The following TSEN2 variants were observed in gnomAD, a reference collection of about 807,000 sequenced individuals.
TSEN2 encodes the protein tRNA splicing endonuclease subunit 2.
A neutral mutation model predicts 59.2 loss-of-function variants in TSEN2; 54 were observed. That is an observed-to-expected ratio of 0.91 (90% CI 0.73 to 1.14). The LOEUF is 1.14. Among genes scored for constraint, TSEN2 ranks in the 50% most tolerant of loss-of-function variants. The pLI is 0.00. For synonymous variants in TSEN2, 195 were observed against 198.2 expected (o/e 0.98, Z 0.14); for missense variants, 636 against 576.2 (o/e 1.10, Z -1.06).
In TSEN2 at chr3:12,510,816, A is replaced by C. The variant is rs78290405; in HGVS notation, c.909+5585A>C. Among the ~76,000 whole-genome samples the C allele has an allele frequency of 3.4e-3, 522 of 152,260 alleles. 13 individuals are homozygous for C. The East Asian group carries it at 0.05, about 14-fold the overall frequency. Reference sequence around the variant, plus strand: ...TAGGTCAGTGACTTTCCTTCTATCTAAACTTCTGAAAATTTTCCAGAGACT... The same window carrying C: ...TAGGTCAGTGACTTTCCTTCTATCTCAACTTCTGAAAATTTTCCAGAGACT... On this transcript the variant is annotated intron_variant, in intron 6 of 11. Transcript: ENST00000284995.
upstream of TSEN2, among the ~76,000 whole-genome samples, chr3:12,483,525 G>A (rs915406549): frequency 5.3e-5 from 8 of 152,338 alleles, no homozygotes; most frequent in South Asian, 1.2e-3. Context: ...AGACCTAAAG[G>A]CTGACCAGGA....
chr3:12,509,754 T>G (rs1319720049), intron 6 of TSEN2, among the ~76,000 whole-genome samples: 3 of 152,206 alleles, frequency 2.0e-5, no homozygotes, highest in African/African-American at 4.8e-5. Flanking sequence ...AGAAAATGAC[T>G]TGAGCTCTAG....
intron 5 of TSEN2, among the ~76,000 whole-genome samples, chr3:12,504,628 T>C (rs1330047795): frequency 6.6e-6 from 1 of 152,056 alleles, no homozygotes; most frequent in Non-Finnish European, 1.5e-5. Context: ...ACCAACAAAA[T>C]GATTACAACT....
chr3:12,528,774 G>A (rs2057273191), intron 8 of TSEN2, 114 bp from the exon 9 acceptor site: 2 of 1,051,176 alleles, frequency 1.9e-6, no homozygotes, highest in Non-Finnish European at 2.9e-6. Flanking sequence ...AGATTATTGA[G>A]TATTTGCTTC....
At position 12,519,133 on chromosome 3, in the gene TSEN2, C is replaced by A. The variant is rs778228259; in HGVS notation, c.1035C>A (p.Ala345=). 2 of 1,614,214 alleles carry A rather than the reference C, an allele frequency of 1.2e-6. No homozygotes were observed. Among genetic ancestry groups the A allele is most frequent in the South Asian group, 2.2e-5 (2 of 91,086 alleles). ...VQPTFRTTYM[A]YHYFRSKGWV... is the part of the protein sequence containing the mutation. The stretch of plus-strand genomic sequence containing the variant: ...CCACGTTCAGAACCACCTACATGGC[C>A]TACCATTACTTTCGAAGCAAGGGCT... Residue 345 remains alanine (A), a synonymous_variant, in exon 8 of 12, where the codon GCC becomes GCA. Transcript: ENST00000284995.
intron 1 of TSEN2, among the ~76,000 whole-genome samples, chr3:12,485,560 A>G (rs1559263186): frequency 6.6e-6 from 1 of 152,192 alleles, no homozygotes; most frequent in Non-Finnish European, 1.5e-5. Context: ...TGCTGTTACC[A>G]GTGGTTAGCT....
At chr3:12,501,348 G>A (rs921929786) in intron 4 of TSEN2, among the ~76,000 whole-genome samples, 11 of 152,204 alleles carry the variant, frequency 7.2e-5, no homozygotes, top group African/African-American at 2.2e-4. Flanking sequence ...GACACAAAAT[G>A]TGCCATACCA....
chr3:12,508,330 T>C (rs1264801283), intron 6 of TSEN2, among the ~76,000 whole-genome samples: 1 of 152,238 alleles, frequency 6.6e-6, no homozygotes, highest in Non-Finnish European at 1.5e-5. Flanking sequence ...AGAAGCTGCC[T>C]GGCACCTGAG....
intron 3 of TSEN2, among the ~76,000 whole-genome samples, chr3:12,495,805 GA>G (rs1008551510): frequency 3.3e-5 from 5 of 152,176 alleles, no homozygotes; most frequent in African/African-American, 9.7e-5. Flanking sequence ...GCAGAGTTAG[GA>G]AAAGACCAGG....
downstream of TSEN2, among the ~76,000 whole-genome samples, chr3:12,535,941 G>C (rs2057665049): frequency 6.6e-6 from 1 of 152,172 alleles, no homozygotes; most frequent in Non-Finnish European, 1.5e-5. Context: ...TTCCTCAACA[G>C]TAAAATAAGA....
chr3:12,489,742 T>C (rs1411683993), intron 1 of TSEN2, 42 bp from the exon 2 acceptor site: 155 of 1,561,392 alleles, frequency 9.9e-5, no homozygotes, highest in Non-Finnish European at 1.3e-4. Context: ...AAGGTAGTTA[T>C]TGATTGTCTG....
intron 4 of TSEN2, among the ~76,000 whole-genome samples, chr3:12,500,848 G>C (rs912464833): frequency 1.3e-5 from 2 of 152,128 alleles, no homozygotes; most frequent in Non-Finnish European, 2.9e-5. Flanking sequence ...CGTCTGCTTT[G>C]ACTGCTCTGC....
intron 6 of TSEN2, among the ~76,000 whole-genome samples, chr3:12,515,389 C>A (rs1224199278): frequency 1.3e-5 from 2 of 152,170 alleles, no homozygotes; most frequent in South Asian, 2.1e-4. Flanking sequence ...CAAGAGGGGC[C>A]CTCCTCGTCT....
intron 10 of TSEN2, chr3:12,530,636 A>G (rs532268116): frequency 1.0e-6 from 1 of 985,464 alleles, no homozygotes; most frequent in Admixed American, 6.1e-5. Flanking sequence ...TTGCAGGGCT[A>G]GAGATGACTG....
chr3:12,523,463 G>GAGC (rs935965909), intron 8 of TSEN2, among the ~76,000 whole-genome samples: 1 of 148,526 alleles, frequency 6.7e-6, no homozygotes, highest in African/African-American at 2.5e-5. Flanking sequence ...GAGGTCAACA[G>GAGC]AGCAGCTCTC....
chr3:12,480,656 G>A (rs551370619), upstream of TSEN2, among the ~76,000 whole-genome samples: 12 of 147,328 alleles, frequency 8.1e-5, no homozygotes, highest in South Asian at 2.2e-4. Flanking sequence ...TCAGCTTCCC[G>A]AATAGCTGGG....
chr3:12,535,146 G>A (rs1393929072), downstream of TSEN2, among the ~76,000 whole-genome samples: 1 of 151,690 alleles, frequency 6.6e-6, no homozygotes, highest in Admixed American at 6.6e-5. Context: ...TTTCACCCTT[G>A]TGGAGAATTA....
At chr3:12,495,257 GT>G (rs1467243888) in intron 3 of TSEN2, among the ~76,000 whole-genome samples, 2 of 151,288 alleles carry the variant, frequency 1.3e-5, no homozygotes, top group Admixed American at 6.6e-5. Flanking sequence ...GTAACTTTTG[GT>G]TTTTTTGGAG....
downstream of TSEN2, among the ~76,000 whole-genome samples, chr3:12,538,108 C>T (rs551467090): frequency 2.2e-4 from 33 of 152,158 alleles, no homozygotes; most frequent in Non-Finnish European, 4.3e-4. Flanking sequence ...ATGCAAATGT[C>T]GCTATGCCAT....
Sources: gnomAD v4.1 joint callset for allele counts (sites outside exome capture counted in the v4.1 genomes callset) on GRCh38, gnomAD v4.1.1 for gene constraint, MANE v1.5 for transcripts, NCBI Gene and HGNC (gene_info 2026-07-23, HGNC 2026-07-21) for gene names.